RAB11A: variants seen among roughly 807,000 people sequenced by gnomAD.
The protein encoded by RAB11A is ras-related protein Rab-11A.
RAB11A carries 9 observed loss-of-function variants against 28.0 expected under a neutral mutation model. That is an observed-to-expected ratio of 0.32 (90% CI 0.19 to 0.56). RAB11A has a LOEUF of 0.56. Among genes scored for constraint, RAB11A ranks in the 20% least tolerant of loss-of-function variants. The pLI is 0.91. For missense variants in RAB11A, 108 were observed against 269.6 expected (o/e 0.40, Z 4.20); for synonymous variants, 85 against 88.2 (o/e 0.96, Z 0.20).
chr15:65,879,609 T>G, intron 3 of RAB11A, 62 bp from the exon 4 acceptor site: 169 of 1,279,968 alleles, frequency 1.3e-4, no homozygotes, highest in Non-Finnish European at 1.7e-4. Flanking sequence ...TTTGAGGGCT[T>G]GAGTATATCC....
rs1004430151 is a variant in RAB11A, at chr15:65,891,867, GGCT to G, written c.*4031_*4033del. On this transcript the variant is annotated 3_prime_UTR_variant, in exon 5 of 5. Coordinates refer to ENST00000261890, the MANE Select transcript of RAB11A (RefSeq NM_004663.5). ...TGCTAAGGGAGAGGAGCACTTGATGGGCTGCTATGTTAACTGTAAATTGAGAAC... is the reference window on the plus strand; with the variant it reads ...TGCTAAGGGAGAGGAGCACTTGATGGGCTATGTTAACTGTAAATTGAGAAC... 2 of 152,070 alleles carry G rather than the reference GGCT, an allele frequency of 1.3e-5. No individual in the cohort carries two copies. The highest frequency in any genetic ancestry group is 4.8e-5 in the African/African-American group (2 of 41,392). The allele number at this position is 152,070 out of a possible 1,614,324, so 9.4% of individuals were successfully genotyped here.
chr15:65,878,805 A>T (rs1165806812), intron 3 of RAB11A, among the ~76,000 whole-genome samples: 2 of 152,244 alleles, frequency 1.3e-5, no homozygotes, highest in Non-Finnish European at 2.9e-5. Flanking sequence ...ATTGTAAATA[A>T]TATGGCTACA....
intron 4 of RAB11A, among the ~76,000 whole-genome samples, chr15:65,883,021 C>T (rs964289665): frequency 1.3e-5 from 2 of 152,066 alleles, no homozygotes; most frequent in Non-Finnish European, 2.9e-5. Flanking sequence ...TTTTTCGGCA[C>T]CATGTGAGAT....
intron 1 of RAB11A, chr15:65,869,997 C>G (rs932774394): frequency 1.6e-5 from 3 of 192,408 alleles, no homozygotes; most frequent in African/African-American, 7.0e-5. Context: ...GGCGTACACC[C>G]TTCCCAGCTC....
rs1295273737 is a variant in RAB11A at position 65,889,321 on chromosome 15, T to A, written c.*1481T>A. On this transcript the variant is annotated 3_prime_UTR_variant, in exon 5 of 5. Coordinates refer to ENST00000261890, the MANE Select transcript of RAB11A (RefSeq NM_004663.5). ...CTATAGCCATTTTATTATTTTAGTG[T>A]ATTAGTTATGAAGATAATATTATCT... is the stretch of plus-strand genomic sequence containing the variant. 6.6e-6 allele frequency: 1 copy of A among 152,272 alleles called. No individual in the cohort carries two copies. The highest frequency in any genetic ancestry group is 2.4e-5 in the African/African-American group (1 of 41,478). The allele number at this position is 152,272 out of a possible 1,614,324, so 9.4% of individuals were successfully genotyped here. A position where few individuals can be genotyped will look rare whatever the true frequency, so the allele number is the denominator to read the frequency against.
intron 1 of RAB11A, among the ~76,000 whole-genome samples, chr15:65,872,240 C>T (rs1398356996): frequency 6.6e-6 from 1 of 152,066 alleles, no homozygotes; most frequent in African/African-American, 2.4e-5. Flanking sequence ...AGGCGTGAGC[C>T]ACTGTGCCTG....
At position 65,877,256 on chromosome 15, in the gene RAB11A, C is replaced by A; in HGVS notation, c.41-76C>A. The A allele has an allele frequency of 8.0e-7, 1 of 1,252,716 alleles. No homozygotes were observed. The allele number at this position is 1,252,716 out of a possible 1,614,324, so 77.6% of individuals were successfully genotyped here. A position where few individuals can be genotyped will look rare whatever the true frequency, so the allele number is the denominator to read the frequency against. On this transcript the variant is annotated intron_variant, in intron 1 of 4. Coordinates refer to ENST00000261890, the MANE Select transcript of RAB11A (RefSeq NM_004663.5). The surrounding 1 kb of genome is among the most constrained non-coding windows in gnomAD (Gnocchi z 4.1). ...CTTTATTTACTCTGAAGCCAAACTT[C>A]ATTCTGTTGAAAGCATAGTGGTGTT...
At chr15:65,880,522 C>T (rs551734867) in intron 4 of RAB11A, among the ~76,000 whole-genome samples, 3 of 152,216 alleles carry the variant, frequency 2.0e-5, no homozygotes, top group East Asian at 1.9e-4. Context: ...TATAGTTTTA[C>T]GTGGCATTGT....
chr15:65,879,176 T>C (rs987508359), intron 3 of RAB11A, among the ~76,000 whole-genome samples: 1 of 152,032 alleles, frequency 6.6e-6, no homozygotes, highest in Non-Finnish European at 1.5e-5. Flanking sequence ...GTATTCTTTA[T>C]ATAGAGAGAG....
chr15:65,887,210 G>A (rs1336879046), intron 4 of RAB11A, among the ~76,000 whole-genome samples: 1 of 148,034 alleles, frequency 6.8e-6, no homozygotes, highest in African/African-American at 2.5e-5. Flanking sequence ...GTCTTGCTCT[G>A]TTGTCTAGGC....
intron 1 of RAB11A, among the ~76,000 whole-genome samples, chr15:65,876,837 G>A (rs2078194272): frequency 6.6e-6 from 1 of 152,216 alleles, no homozygotes; most frequent in East Asian, 1.9e-4. Flanking sequence ...GTCACACCCA[G>A]TCTTTGATGA....
intron 4 of RAB11A, among the ~76,000 whole-genome samples, chr15:65,883,196 G>T (rs935733069): frequency 6.6e-6 from 1 of 152,206 alleles, no homozygotes; most frequent in Non-Finnish European, 1.5e-5. Flanking sequence ...GATTTTGCCA[G>T]TTGTTCCAAT....
chr15:65,879,201 A>G (rs2078206682), intron 3 of RAB11A, among the ~76,000 whole-genome samples: 1 of 152,128 alleles, frequency 6.6e-6, no homozygotes, highest in African/African-American at 2.4e-5. Flanking sequence ...ACCTCTCTCC[A>G]GTGTTTTGCC....
intron 4 of RAB11A, among the ~76,000 whole-genome samples, chr15:65,886,089 A>AGCTT: frequency 6.6e-6 from 1 of 152,256 alleles, no homozygotes; most frequent in East Asian, 1.9e-4. Flanking sequence ...AAGGAACTTC[A>AGCTT]GCTTCATCCT....
chr15:65,877,738 TACTA>T lies in RAB11A; in HGVS notation c.237-22_237-19del, dbSNP rs1567137407. The T allele has an allele frequency of 2.0e-6, 3 of 1,536,576 alleles. No individual in the cohort carries two copies. Among genetic ancestry groups the T allele is most frequent in the Middle Eastern group, 1.7e-4 (1 of 5,806 alleles). On this transcript the variant is annotated intron_variant, in intron 2 of 4. Transcript: ENST00000261890. This position sits in a 1 kb window ranked among gnomAD's most constrained non-coding sequence, Gnocchi z 4.1. ...TTGCTTCCATCTTGTGGTTTTCTGA[TACTA>T]AATATGTTTCTGTTTTCAGATATTA...
Position 65,891,609 on chromosome 15 carries a change from ACT to A in RAB11A, c.*3776_*3777del, listed in dbSNP as rs1567141659. ...TCGAACTCTGTAATTCTCTGAATGAACTCTCTCTTCAATTAAAGCCAAATTAT... is the reference window on the plus strand; with the variant it reads ...TCGAACTCTGTAATTCTCTGAATGAACTCTCTTCAATTAAAGCCAAATTAT... On this transcript the variant is annotated 3_prime_UTR_variant, in exon 5 of 5. Transcript: ENST00000261890. 6 of 152,082 alleles carry A rather than the reference ACT, an allele frequency of 3.9e-5. No individual in the cohort carries two copies. Among genetic ancestry groups the A allele is most frequent in the South Asian group, 4.2e-4 (2 of 4,818 alleles). The allele number at this position is 152,082 out of a possible 1,614,324, so 9.4% of individuals were successfully genotyped here.
At position 65,891,547 on chromosome 15, in the gene RAB11A, G is replaced by A. The variant is rs975473331; in HGVS notation, c.*3707G>A. ...CCTCACATTCTTCCAATTAATGAGG[G>A]TACCAGATTAAATAAACTCTGGGGA... On this transcript the variant is annotated 3_prime_UTR_variant, in exon 5 of 5. Coordinates refer to ENST00000261890, the MANE Select transcript of RAB11A (RefSeq NM_004663.5). The A allele has an allele frequency of 2.0e-5, 3 of 152,084 alleles. No homozygotes were observed. The highest frequency in any genetic ancestry group is 2.9e-5 in the Non-Finnish European group (2 of 68,032). 9.4% of individuals were successfully genotyped at this position (152,084 alleles called of 1,614,324 possible). A position where few individuals can be genotyped will look rare whatever the true frequency, so the allele number is the denominator to read the frequency against.
Position 65,891,947 on chromosome 15 carries a change from G to A in RAB11A, c.*4107G>A, listed in dbSNP as rs568575995. On this transcript the variant is annotated 3_prime_UTR_variant, in exon 5 of 5. Coordinates refer to ENST00000261890, the MANE Select transcript of RAB11A (RefSeq NM_004663.5). ...AAAAAAAACTGCTGGCTTTTAATAT[G>A]TACTTTAAAATATACTCATGTCTGG... The A allele has an allele frequency of 1.5e-4, 23 of 152,094 alleles. No homozygotes were observed. The highest frequency in any genetic ancestry group is 4.8e-4 in the African/African-American group (20 of 41,506). 9.4% of individuals were successfully genotyped at this position (152,094 alleles called of 1,614,324 possible). A position where few individuals can be genotyped will look rare whatever the true frequency, so the allele number is the denominator to read the frequency against.
In RAB11A at chr15:65,887,945, T is replaced by C; in HGVS notation, c.*105T>C. On this transcript the variant is annotated 3_prime_UTR_variant, in exon 5 of 5. Coordinates refer to ENST00000261890, the MANE Select transcript of RAB11A (RefSeq NM_004663.5). Reference sequence around the variant, plus strand: ...GTCACTTTTGTGTTTTATTACTTCATACTTATGAATTTTTCCATGTCCTAA... The same window carrying C: ...GTCACTTTTGTGTTTTATTACTTCACACTTATGAATTTTTCCATGTCCTAA... 1 of 1,215,924 alleles carries C rather than the reference T, an allele frequency of 8.2e-7. No homozygotes were observed. The highest frequency in any genetic ancestry group is 3.0e-5 in the Admixed American group (1 of 33,328). 75.3% of individuals were successfully genotyped at this position (1,215,924 alleles called of 1,614,324 possible). A position where few individuals can be genotyped will look rare whatever the true frequency, so the allele number is the denominator to read the frequency against.
Sources: allele counts gnomAD v4.1 joint callset (sites outside exome capture counted in the v4.1 genomes callset), GRCh38; gene constraint gnomAD v4.1.1; non-coding constraint Gnocchi (gnomAD v3.1); transcripts MANE v1.5; gene names NCBI Gene and HGNC (gene_info 2026-07-23, HGNC 2026-07-21).